GRID2: variants seen among roughly 807,000 people sequenced by gnomAD.
The protein encoded by GRID2 is glutamate ionotropic receptor delta type subunit 2.
A neutral mutation model predicts 114.8 loss-of-function variants in GRID2; 33 were observed. That is an observed-to-expected ratio of 0.29 (90% CI 0.22 to 0.38). The LOEUF is 0.38. GRID2 is among the 10% of genes least tolerant of loss of function. The pLI, the probability that GRID2 is intolerant of heterozygous loss-of-function variation, is 1.00. For missense variants in GRID2, 1,184 were observed against 1,257.7 expected, an observed-to-expected ratio of 0.94 and a Z score of 0.89; for synonymous variants, 505 against 449.9, an observed-to-expected ratio of 1.12 and a Z score of -1.55.
intron 1 of GRID2, among the ~76,000 whole-genome samples, chr4:92,582,998 A>ATG (rs1413465442): frequency 1.3e-5 from 2 of 151,856 alleles, no homozygotes; most frequent in African/African-American, 4.8e-5. Flanking sequence ...CTCTATATAT[A>ATG]TTATTATGAA....
At chr4:93,608,309 TAA>T (rs1333590844) in intron 13 of GRID2, among the ~76,000 whole-genome samples, 1,724 of 133,122 alleles carry the variant, frequency 0.013, 31 homozygotes, top group African/African-American at 0.049. Flanking sequence ...TTTTTTTTTT[TAA>T]TTTTTTTTTT....
chr4:93,028,390 A>C (rs1349728723), intron 2 of GRID2, among the ~76,000 whole-genome samples: 1 of 152,102 alleles, frequency 6.6e-6, no homozygotes, highest in East Asian at 1.9e-4. Context: ...TGGAACTGCA[A>C]AACCAACGCT....
At chr4:92,519,670 A>G (rs1724673214) in intron 1 of GRID2, among the ~76,000 whole-genome samples, 1 of 151,662 alleles carries the variant, frequency 6.6e-6, no homozygotes. Flanking sequence ...ATTGGTTTAC[A>G]TATTTATAAA....
rs147585504 is a variant in GRID2, at chr4:93,005,816, T to G, written c.245-79179T>G. On this transcript the variant is annotated intron_variant, in intron 2 of 15. Coordinates refer to ENST00000282020, the MANE Select transcript of GRID2 (RefSeq NM_001510.4). Reference sequence around the variant, plus strand: ...CAAAAGGTTGCACGTTGTACGTTTCTTTTTATATGAAATATCCAGAATGGT... The same window carrying G: ...CAAAAGGTTGCACGTTGTACGTTTCGTTTTATATGAAATATCCAGAATGGT... Among the ~76,000 whole-genome samples, 700 of 152,204 alleles carry G rather than the reference T, an allele frequency of 4.6e-3. 6 individuals carry two copies. Among genetic ancestry groups the G allele is most frequent in the African/African-American group, 0.016 (663 of 41,562 alleles).
At chr4:93,400,504 A>C (rs2149337440) in intron 9 of GRID2, among the ~76,000 whole-genome samples, 2 of 152,252 alleles carry the variant, frequency 1.3e-5, no homozygotes, top group Admixed American at 6.6e-5. Context: ...AGATAGCAAT[A>C]AATGACCAAT....
At chr4:93,308,005 G>C (rs1320057121) in intron 8 of GRID2, among the ~76,000 whole-genome samples, 1 of 151,910 alleles carries the variant, frequency 6.6e-6, no homozygotes, top group Non-Finnish European at 1.5e-5. Context: ...CTGTGAAGTA[G>C]ATATCAATTC....
chr4:93,253,218 T>C (rs974540501), intron 8 of GRID2, among the ~76,000 whole-genome samples: 7 of 151,964 alleles, frequency 4.6e-5, no homozygotes, highest in Admixed American at 2.0e-4. Flanking sequence ...ATAGCGCCAC[T>C]GCACTCCAAC....
chr4:93,431,056 A>T (rs1222820358), intron 10 of GRID2, among the ~76,000 whole-genome samples: 1 of 152,184 alleles, frequency 6.6e-6, no homozygotes, highest in Non-Finnish European at 1.5e-5. Flanking sequence ...GATAAAAAGG[A>T]GGTAGGATAA....
intron 2 of GRID2, among the ~76,000 whole-genome samples, chr4:92,716,925 G>A (rs919702830): frequency 1.3e-5 from 2 of 152,158 alleles, no homozygotes; most frequent in African/African-American, 4.8e-5. Context: ...AATATCTCCA[G>A]AGCAAAAGTG....
At chr4:92,546,542 ATG>A (rs917103468) in intron 1 of GRID2, among the ~76,000 whole-genome samples, 8 of 152,104 alleles carry the variant, frequency 5.3e-5, no homozygotes, top group African/African-American at 9.7e-5. Context: ...ATACTGATGC[ATG>A]TGTGTGTGTG....
At chr4:93,595,669 C>T (rs570747567) in intron 13 of GRID2, among the ~76,000 whole-genome samples, 1 of 152,150 alleles carries the variant, frequency 6.6e-6, no homozygotes, top group South Asian at 2.1e-4. Flanking sequence ...TACCTATAGG[C>T]CTTTTATTGC....
intron 9 of GRID2, among the ~76,000 whole-genome samples, chr4:93,400,950 C>T (rs1424168218): frequency 6.6e-6 from 1 of 152,010 alleles, no homozygotes; most frequent in African/African-American, 2.4e-5. Context: ...AATCCTCCCA[C>T]CTCAGCCTCC....
chr4:93,493,978 A>C (rs552195036), intron 12 of GRID2, among the ~76,000 whole-genome samples: 2 of 151,928 alleles, frequency 1.3e-5, no homozygotes, highest in South Asian at 4.1e-4. Flanking sequence ...AAGTTAAAAG[A>C]AGCCAGATTC....
intron 2 of GRID2, among the ~76,000 whole-genome samples, chr4:92,743,021 A>C (rs2149332885): frequency 6.6e-6 from 1 of 152,318 alleles, no homozygotes; most frequent in South Asian, 2.1e-4. Flanking sequence ...TCATGCCTGT[A>C]ATTCCAACAG....
rs1470207794 is a variant in GRID2 at position 93,697,865 on chromosome 4, GTGTGTATATATA to G, written c.2361-71343_2361-71332del. The stretch of plus-strand genomic sequence containing the variant: ...TGGCTCAATTTAGTCATTCCACAAT[GTGTGTATATATA>G]TATTTCAAAACAATACGTTGTACAC... On this transcript the variant is annotated intron_variant, in intron 14 of 15. Transcript: ENST00000282020. Among the ~76,000 whole-genome samples the G allele has an allele frequency of 1.4e-3, 107 of 74,890 alleles. 4 individuals carry two copies. The highest frequency in any genetic ancestry group is 3.8e-3 in the African/African-American group (106 of 27,722). The allele number at this position is 74,890 out of a possible 152,430, so 49.1% of individuals were successfully genotyped here.
At chr4:92,663,640 T>A (rs1365757077) in intron 2 of GRID2, among the ~76,000 whole-genome samples, 3 of 151,178 alleles carry the variant, frequency 2.0e-5, no homozygotes, top group African/African-American at 7.3e-5. Context: ...TTTTGGTAAG[T>A]ACAAATGGTA....
At chr4:93,593,686 G>T (rs1171430645) in intron 13 of GRID2, among the ~76,000 whole-genome samples, 1 of 151,854 alleles carries the variant, frequency 6.6e-6, no homozygotes, top group Non-Finnish European at 1.5e-5. Flanking sequence ...TCACTTTCAG[G>T]TACACCAATC....
chr4:93,766,872 A>G (rs1255524851), intron 14 of GRID2, among the ~76,000 whole-genome samples: 1 of 152,184 alleles, frequency 6.6e-6, no homozygotes, highest in Non-Finnish European at 1.5e-5. Context: ...ATTGCTAACT[A>G]TAGTTACAAT....
At chr4:92,957,512 G>C (rs908320792) in intron 2 of GRID2, among the ~76,000 whole-genome samples, 2 of 151,770 alleles carry the variant, frequency 1.3e-5, no homozygotes, top group African/African-American at 4.8e-5. Context: ...TGATCTATTT[G>C]TCTGTTCTCT....
Sources: allele counts gnomAD v4.1 joint callset (sites outside exome capture counted in the v4.1 genomes callset), GRCh38; gene constraint gnomAD v4.1.1; transcripts MANE v1.5; gene names NCBI Gene and HGNC (gene_info 2026-07-23, HGNC 2026-07-21).